Variants in MASTL observed in about 807,000 individuals in gnomAD.
MASTL encodes the protein serine/threonine-protein kinase greatwall.
MASTL carries 54 observed loss-of-function variants against 82.5 expected under a neutral mutation model. That is an observed-to-expected ratio of 0.65 (90% CI 0.53 to 0.82). MASTL has a LOEUF of 0.82. Ranked by LOEUF, MASTL falls within the 40% of genes least tolerant of loss-of-function variation. The probability of loss-of-function intolerance (pLI) is 0.00; values close to 1 mark genes in which losing one functional copy is unlikely to be tolerated. For synonymous variants in MASTL, 323 were observed against 368.9 expected (o/e 0.88, Z 1.43); for missense variants, 950 against 1,047.8 (o/e 0.91, Z 1.29).
chr10:27,186,144 G>C (rs2058730733), intron 11 of MASTL, among the ~76,000 whole-genome samples: 1 of 152,158 alleles, frequency 6.6e-6, no homozygotes, highest in Admixed American at 6.6e-5. Flanking sequence ...CATTCATTCT[G>C]TCATTAAACA....
upstream of MASTL, chr10:27,155,270 C>G: frequency 1.4e-6 from 1 of 713,722 alleles, no homozygotes; most frequent in South Asian, 1.9e-5. Flanking sequence ...CCCCTCCGTC[C>G]GCGTCTGCGT....
chr10:27,185,136 G>A (rs2058602206), intron 11 of MASTL, among the ~76,000 whole-genome samples: 1 of 152,184 alleles, frequency 6.6e-6, no homozygotes. Context: ...GGAGCACAGG[G>A]AAGAAAGGGA....
intron 4 of MASTL, among the ~76,000 whole-genome samples, chr10:27,164,826 C>G (rs1192211354): frequency 6.6e-6 from 1 of 151,782 alleles, no homozygotes; most frequent in African/African-American, 2.4e-5. Context: ...TTAGTAGAGA[C>G]AGTGTTTCAC....
At chr10:27,161,009 C>T in intron 3 of MASTL, 85 bp from the exon 4 acceptor site, 3 of 891,210 alleles carry the variant, frequency 3.4e-6, no homozygotes, top group South Asian at 2.6e-5. Context: ...GGGTTTGCCT[C>T]CTTTGTAACT....
chr10:27,162,069 G>A (rs746016356), intron 4 of MASTL, among the ~76,000 whole-genome samples: 9 of 152,140 alleles, frequency 5.9e-5, no homozygotes, highest in South Asian at 4.1e-4. Context: ...AAGGAATACC[G>A]ATGGTCCAGT....
At position 27,180,941 on chromosome 10, in the gene MASTL, C is replaced by A. The variant is rs766129846; in HGVS notation, c.2267-12C>A. ...ATGCTTGCAACTTTAGCTGTTTCCTCTTCGATTACAGGTCCTGCGGTAGAC... is the reference window on the plus strand; with the variant it reads ...ATGCTTGCAACTTTAGCTGTTTCCTATTCGATTACAGGTCCTGCGGTAGAC... On this transcript the variant is annotated splice_polypyrimidine_tract_variant and intron_variant, in intron 9 of 11. Transcript: ENST00000375940. The A allele has an allele frequency of 6.5e-7, 1 of 1,547,622 alleles. No homozygotes were observed. Among genetic ancestry groups the A allele is most frequent in the Non-Finnish European group, 8.9e-7 (1 of 1,119,546 alleles).
rs753160729 is a variant in MASTL, at chr10:27,186,411, G to T, written c.2515G>T (p.Asp839Tyr). 4.3e-6 allele frequency: 7 copies of T among 1,613,968 alleles called. No homozygotes were observed. The highest frequency in any genetic ancestry group is 4.2e-6 in the Non-Finnish European group (5 of 1,180,020). Residue 839 changes from aspartate to tyrosine, a missense_variant, in exon 12 of 12, where the codon GAC becomes TAC. Coordinates refer to ENST00000375940, the MANE Select transcript of MASTL (RefSeq NM_001172303.3). ...LKRHPLFSDV[D>Y]WENLQHQTMP... ...ACGTCATCCTCTCTTCAGTGATGTG[G>T]ACTGGGAAAATCTGCAGCATCAGAC...
intron 4 of MASTL, among the ~76,000 whole-genome samples, chr10:27,162,743 C>A (rs1467809815): frequency 6.6e-6 from 1 of 151,818 alleles, no homozygotes; most frequent in African/African-American, 2.4e-5. Flanking sequence ...ATGAAAATAA[C>A]CAGAAATTGG....
At chr10:27,155,220 C>A (rs1423830244), upstream of MASTL, 6 of 597,418 alleles carry the variant, frequency 1.0e-5, no homozygotes, top group South Asian at 2.0e-5. Context: ...TCGCCGCCCA[C>A]GAAGAGTGTA....
chr10:27,169,603 T>C lies in MASTL; in HGVS notation c.985-341T>C, dbSNP rs558410503. Among the ~76,000 whole-genome samples, 4 of 152,154 alleles carry C rather than the reference T, an allele frequency of 2.6e-5. No homozygotes were observed. The South Asian group carries it at 8.3e-4, about 32-fold the overall frequency. ...AAAACAGAATCATCCATATACCTAT[T>C]GCAAAATAGATATGTACGTAATGCA... On this transcript the variant is annotated intron_variant, in intron 7 of 11. Coordinates refer to ENST00000375940, the MANE Select transcript of MASTL (RefSeq NM_001172303.3).
At chr10:27,160,141 G>A (rs1224084904) in intron 3 of MASTL, among the ~76,000 whole-genome samples, 1 of 139,136 alleles carries the variant, frequency 7.2e-6, no homozygotes, top group Non-Finnish European at 1.5e-5. Context: ...GAGTAGAGGT[G>A]TGTGCCATTA....
Position 27,166,182 on chromosome 10 carries a change from G to A in MASTL, c.811+643G>A, listed in dbSNP as rs2057736033. Among the ~76,000 whole-genome samples the A allele has an allele frequency of 2.0e-5, 3 of 152,124 alleles. No individual in the cohort carries two copies. The South Asian group carries it at 6.2e-4, about 31-fold the overall frequency. ...AGATCATACCACTGTACTCCAGCCT[G>A]GGTGACAGTGAGACTGTCTCAAAAC... On this transcript the variant is annotated intron_variant, in intron 6 of 11. Coordinates refer to ENST00000375940, the MANE Select transcript of MASTL (RefSeq NM_001172303.3).
In MASTL at chr10:27,155,381, CTCGCGGAGGGGCAGT is replaced by C; in HGVS notation, c.-45_-31del. ...TGAACCCAGTTGGCGGGAGTGGCTG[CTCGCGGAGGGGCAGT>C]GTCTGCGGGGCCGCTGTATGCTGTC... On this transcript the variant is annotated 5_prime_UTR_variant, in exon 1 of 12. Transcript: ENST00000375940. 1.9e-6 allele frequency: 3 copies of C among 1,543,802 alleles called. No homozygotes were observed. The highest frequency in any genetic ancestry group is 2.6e-6 in the Non-Finnish European group (3 of 1,142,820).
chr10:27,167,113 G>C lies in MASTL; in HGVS notation c.823G>C (p.Val275Leu). 6.2e-7 allele frequency: 1 copy of C among 1,613,730 alleles called. No individual in the cohort carries two copies. The highest frequency in any genetic ancestry group is 1.1e-5 in the South Asian group (1 of 91,076). ...SKLLKSCLET[V>L]ASNPGMPVKC... is the part of the protein sequence containing the mutation. ...TCTCTTCTCTATAGGTCTTGAAACA[G>C]TTGCCTCCAACCCAGGAATGCCTGT... The change falls in exon 7 of 12, where the codon GTT (valine) becomes CTT (leucine). Residue 275 changes from valine to leucine, a missense_variant. Transcript: ENST00000375940.
Position 27,155,353 on chromosome 10 carries a change from C to T in MASTL, c.-74C>T. On this transcript the variant is annotated 5_prime_UTR_variant, in exon 1 of 12. Coordinates refer to ENST00000375940, the MANE Select transcript of MASTL (RefSeq NM_001172303.3). ...CGCGCGCGGCGTGGGCGGAGCCTCA[C>T]TTTGAACCCAGTTGGCGGGAGTGGC... 1 of 1,464,816 alleles carries T rather than the reference C, an allele frequency of 6.8e-7. No individual in the cohort carries two copies. Among genetic ancestry groups the T allele is most frequent in the East Asian group, 2.5e-5 (1 of 40,596 alleles). 90.7% of individuals were successfully genotyped at this position (1,464,816 alleles called of 1,614,324 possible).
chr10:27,170,984 G>T lies in MASTL; in HGVS notation c.2025G>T (p.Met675Ile), dbSNP rs745822643. The T allele has an allele frequency of 3.7e-6, 6 of 1,613,860 alleles. No homozygotes were observed. The African/African-American group carries it at 8.0e-5, about 22-fold the overall frequency. ...SNNSEPSRMNMTSLDAMDISC... is the reference protein window; with the variant it reads ...SNNSEPSRMNITSLDAMDISC... ...ACTCAGAACCATCCAGAATGAACAT[G>T]ACTTCTTTAGATGCAATGGATATTT... Residue 675 changes from methionine (M) to isoleucine (I), a missense_variant, in exon 8 of 12, where the codon ATG becomes ATT. Physicochemically the swap from Met to Ile is conservative, Grantham distance 10. Coordinates refer to ENST00000375940, the MANE Select transcript of MASTL (RefSeq NM_001172303.3).
chr10:27,172,860 AT>A (rs936278133), intron 8 of MASTL, among the ~76,000 whole-genome samples: 5 of 151,724 alleles, frequency 3.3e-5, no homozygotes, highest in Non-Finnish European at 7.4e-5. Flanking sequence ...TTTCTTGCAG[AT>A]TTTTTTTATT....
At position 27,181,550 on chromosome 10, in the gene MASTL, C is replaced by T. The variant is rs765371993; in HGVS notation, c.2451C>T (p.Thr817=). ...AAAGTGCAGTAGAAATACTTTTAAC[C>T]ATTGATGATACAAAGAGAGCTGGAA... ...NAQSAVEILL[T]IDDTKRAGMK... is the part of the protein sequence containing the mutation. The change falls in exon 11 of 12, where the codon ACC becomes ACT. Residue 817 remains threonine (T), a synonymous_variant. Transcript: ENST00000375940. 6.2e-7 allele frequency: 1 copy of T among 1,612,006 alleles called. No individual in the cohort carries two copies. Among genetic ancestry groups the T allele is most frequent in the South Asian group, 1.1e-5 (1 of 91,034 alleles).
At chr10:27,168,534 AG>A (rs996104056) in intron 7 of MASTL, among the ~76,000 whole-genome samples, 2 of 152,270 alleles carry the variant, frequency 1.3e-5, no homozygotes, top group African/African-American at 4.8e-5. Context: ...ATCCTTTTTT[AG>A]GCCAGGCGCG....
Sources: gnomAD v4.1 joint callset for allele counts (sites outside exome capture counted in the v4.1 genomes callset) on GRCh38, gnomAD v4.1.1 for gene constraint, MANE v1.5 for transcripts, NCBI Gene and HGNC (gene_info 2026-07-23, HGNC 2026-07-21) for gene names.